PIKFYVE: variants seen among roughly 807,000 people sequenced by gnomAD.
PIKFYVE encodes the protein phosphoinositide kinase, FYVE-type zinc finger containing.
Under a neutral mutation model 257.9 loss-of-function variants are expected in PIKFYVE, and 122 were observed. That is an observed-to-expected ratio of 0.47 (90% confidence interval 0.41 to 0.55). The LOEUF (loss-of-function observed/expected upper bound fraction) is 0.55. Among genes scored for constraint, PIKFYVE ranks in the 20% least tolerant of loss-of-function variants. The pLI is 0.00. For missense variants in PIKFYVE, 2,160 were observed against 2,536.6 expected, an observed-to-expected ratio of 0.85 and a Z score of 3.19; for synonymous variants, 892 against 868.9, an observed-to-expected ratio of 1.03 and a Z score of -0.47.
At chr2:208,288,155 G>C (rs559527342) in intron 6 of PIKFYVE, among the ~76,000 whole-genome samples, 1 of 152,308 alleles carries the variant, frequency 6.6e-6, no homozygotes, top group African/African-American at 2.4e-5. Context: ...GTCAAAGGTA[G>C]AATGATTGTT....
intron 15 of PIKFYVE, among the ~76,000 whole-genome samples, chr2:208,317,223 C>T (rs1223876295): frequency 1.3e-5 from 2 of 151,770 alleles, no homozygotes; most frequent in African/African-American, 4.8e-5. Context: ...AAAATTTTCG[C>T]AACCTACTCA....
chr2:208,349,970 T>A, intron 35 of PIKFYVE, 54 bp from the exon 36 acceptor site: 1 of 1,603,170 alleles, frequency 6.2e-7, no homozygotes, highest in Admixed American at 1.7e-5. Context: ...AAGGACAAAA[T>A]GAACTGATAA....
chr2:208,324,095 G>A, intron 17 of PIKFYVE, 47 bp from the exon 18 acceptor site: 1 of 1,593,502 alleles, frequency 6.3e-7, no homozygotes. Context: ...AATATGTCCA[G>A]ATACTGCATT....
intron 23 of PIKFYVE, among the ~76,000 whole-genome samples, chr2:208,332,504 T>G (rs560560204): frequency 6.6e-6 from 1 of 152,170 alleles, no homozygotes; most frequent in Admixed American, 6.5e-5. Context: ...TTTGTAAATA[T>G]GTATATACAA....
At chr2:208,349,427 C>G (rs1256357605) in intron 35 of PIKFYVE, among the ~76,000 whole-genome samples, 1 of 151,148 alleles carries the variant, frequency 6.6e-6, no homozygotes, top group African/African-American at 2.4e-5. Context: ...AAAAATAGCT[C>G]TGACATAGAT....
At chr2:208,315,030 T>G (rs1259106788) in intron 14 of PIKFYVE, among the ~76,000 whole-genome samples, 163 bp from the exon 15 acceptor site, 2 of 152,228 alleles carry the variant, frequency 1.3e-5, no homozygotes, top group African/African-American at 2.4e-5. Flanking sequence ...TGCAAAATCC[T>G]TAAGGTACAG....
chr2:208,301,132 A>G (rs747899566), intron 9 of PIKFYVE, 38 bp downstream of exon 9: 8 of 1,605,334 alleles, frequency 5.0e-6, no homozygotes, highest in East Asian at 2.2e-5. Flanking sequence ...TTATTTGTTT[A>G]TTTTGAATGA....
At chr2:208,326,581 C>T (rs1696948342) in intron 20 of PIKFYVE, 152 bp downstream of exon 20, 3 of 850,510 alleles carry the variant, frequency 3.5e-6, no homozygotes, top group Non-Finnish European at 3.8e-6. Flanking sequence ...CTTGAGTCTG[C>T]TGGCTTATGT....
chr2:208,280,577 G>A (rs1203475433), intron 5 of PIKFYVE, among the ~76,000 whole-genome samples: 1 of 152,206 alleles, frequency 6.6e-6, no homozygotes, highest in Non-Finnish European at 1.5e-5. Context: ...TCTCTTTGGG[G>A]ATGGCTGGTA....
rs17700235 is a variant in PIKFYVE at position 208,354,971 on chromosome 2, A to T, written c.6182-219A>T. ...TCATTTGTGCTCTTAGACATCGCTC[A>T]TCTCTAGGCAGGAGCTAGTCTTTTT... On this transcript the variant is annotated intron_variant, in intron 41 of 41. Coordinates refer to ENST00000264380, the MANE Select transcript of PIKFYVE (RefSeq NM_015040.4). 0.099 allele frequency among the ~76,000 whole-genome samples: 15,040 copies of T among 152,268 alleles called. 825 individuals carry two copies. Among genetic ancestry groups the T allele is most frequent in the Non-Finnish European group, 0.12 (7,907 of 68,024 alleles).
At chr2:208,299,300 T>C (rs1237236690) in intron 8 of PIKFYVE, among the ~76,000 whole-genome samples, 1 of 149,312 alleles carries the variant, frequency 6.7e-6, no homozygotes, top group Admixed American at 6.6e-5. Flanking sequence ...ATTATTATTA[T>C]TTTTTTTGGA....
rs756762510 is a variant in PIKFYVE, at chr2:208,354,101, T to C, written c.6048T>C (p.Asp2016=). 1 of 1,614,008 alleles carries C rather than the reference T, an allele frequency of 6.2e-7. No homozygotes were observed. The highest frequency in any genetic ancestry group is 8.5e-7 in the Non-Finnish European group (1 of 1,179,906). ...TCCTTTCTAGCCACCTCATTATAGA[T>C]TATTCTTTGCTGGTTGGGCGAGATG... The part of the protein sequence containing the change: ...SHFLSSHLII[D]YSLLVGRDDT... Residue 2016 remains aspartate, a synonymous_variant, in exon 40 of 42, where the codon GAT becomes GAC. Coordinates refer to ENST00000264380, the MANE Select transcript of PIKFYVE (RefSeq NM_015040.4).
intron 5 of PIKFYVE, among the ~76,000 whole-genome samples, chr2:208,281,051 A>G (rs906342999): frequency 2.6e-5 from 4 of 152,216 alleles, no homozygotes; most frequent in African/African-American, 9.6e-5. Context: ...TACAAAGAAG[A>G]GCAACCACAA....
chr2:208,338,306 CT>C (rs1698363634), intron 28 of PIKFYVE, among the ~76,000 whole-genome samples: 1 of 151,810 alleles, frequency 6.6e-6, no homozygotes, highest in Non-Finnish European at 1.5e-5. Flanking sequence ...CATTTAATAA[CT>C]TTCTCTGTTT....
At chr2:208,267,220 C>T (rs908972037) in intron 1 of PIKFYVE, among the ~76,000 whole-genome samples, 1 of 125,138 alleles carries the variant, frequency 8.0e-6, no homozygotes, top group African/African-American at 3.1e-5. Context: ...GTATAATGTA[C>T]TTATTTCTGA....
intron 21 of PIKFYVE, among the ~76,000 whole-genome samples, chr2:208,328,903 A>G (rs1300134361): frequency 6.6e-6 from 1 of 152,160 alleles, no homozygotes; most frequent in East Asian, 1.9e-4. Context: ...AAATGTGAGA[A>G]AGTTGACACA....
At position 208,293,675 on chromosome 2, in the gene PIKFYVE, GTT is replaced by G. The variant is rs35035028; in HGVS notation, c.911+4871_911+4872del. 6.3e-3 allele frequency among the ~76,000 whole-genome samples: 882 copies of G among 139,030 alleles called. 9 individuals are homozygous for G. The highest frequency in any genetic ancestry group is 0.011 in the African/African-American group (411 of 38,344). The allele number at this position is 139,030 out of a possible 152,430, so 91.2% of individuals were successfully genotyped here. ...TTATCTTTGATACTCTACAGGTAAGGTTTTTTTTTTTTTTTCTTTAAATAGAG... is the reference window on the plus strand; with the variant it reads ...TTATCTTTGATACTCTACAGGTAAGGTTTTTTTTTTTTTCTTTAAATAGAG... On this transcript the variant is annotated intron_variant, in intron 7 of 41. Transcript: ENST00000264380.
chr2:208,290,125 C>T (rs1396810206), intron 7 of PIKFYVE, among the ~76,000 whole-genome samples: 1 of 152,138 alleles, frequency 6.6e-6, no homozygotes, highest in Non-Finnish European at 1.5e-5. Context: ...GACACATGAT[C>T]ATCGTCTAAA....
At position 208,355,275 on chromosome 2, in the gene PIKFYVE, C is replaced by A; in HGVS notation, c.6267C>A (p.Asp2089Glu). 1.2e-6 allele frequency: 2 copies of A among 1,613,858 alleles called. No individual in the cohort carries two copies. Among genetic ancestry groups the A allele is most frequent in the Non-Finnish European group, 1.7e-6 (2 of 1,179,780 alleles). The stretch of plus-strand genomic sequence containing the variant: ...ACAAGTATTTCCTAATGGTACCAGA[C>A]CACTGGACAGGCTTGGGTCTGAATT... ...AMDKYFLMVP[D>E]HWTGLGLNC The change falls in exon 42 of 42, where the codon GAC becomes GAA. Residue 2089 changes from aspartate to glutamate, a missense_variant. Transcript: ENST00000264380.
Sources: allele counts gnomAD v4.1 joint callset (sites outside exome capture counted in the v4.1 genomes callset), GRCh38; gene constraint gnomAD v4.1.1; transcripts MANE v1.5; gene names NCBI Gene and HGNC (gene_info 2026-07-23, HGNC 2026-07-21).